AJAP1: variants seen among roughly 807,000 people sequenced by gnomAD.
AJAP1 encodes the protein adherens junction-associated protein 1.
AJAP1 carries 5 observed loss-of-function variants against 35.0 expected under a neutral mutation model. The observed-to-expected ratio is 0.14, with a 90% CI of 0.07 to 0.30. The LOEUF is 0.30. Ranked by LOEUF, AJAP1 falls within the 10% of genes least tolerant of loss-of-function variation. The pLI, the probability that AJAP1 is intolerant of heterozygous loss-of-function variation, is 1.00. For missense variants in AJAP1, 586 were observed against 571.0 expected (o/e 1.03, Z -0.27); for synonymous variants, 284 against 249.3 (o/e 1.14, Z -1.31).
intron 1 of AJAP1, among the ~76,000 whole-genome samples, chr1:4,667,529 T>A (rs1233019057): frequency 1.3e-5 from 2 of 152,180 alleles, no homozygotes; most frequent in African/African-American, 4.8e-5. Context: ...TAGATTCTCA[T>A]AAGGAGTGCA....
chr1:4,694,217 G>A (rs1469259901), intron 1 of AJAP1, among the ~76,000 whole-genome samples: 1 of 150,168 alleles, frequency 6.7e-6, no homozygotes, highest in Non-Finnish European at 1.5e-5. Flanking sequence ...CTCCTTTGCC[G>A]GGGGGGGATG....
intron 2 of AJAP1, among the ~76,000 whole-genome samples, chr1:4,762,528 G>A (rs769578419): frequency 2.6e-5 from 4 of 152,228 alleles, no homozygotes; most frequent in Non-Finnish European, 4.4e-5. Context: ...TATTTCATGC[G>A]TATTGTCACA....
chr1:4,669,034 AT>A (rs1639196267), intron 1 of AJAP1, among the ~76,000 whole-genome samples: 1 of 152,136 alleles, frequency 6.6e-6, no homozygotes, highest in African/African-American at 2.4e-5. Context: ...CTCAGCCAAC[AT>A]TTTTTTAGCT....
intron 1 of AJAP1, among the ~76,000 whole-genome samples, chr1:4,699,675 C>T (rs72638816): frequency 0.058 from 8,765 of 152,238 alleles, 350 homozygotes; most frequent in Middle Eastern, 0.089. Context: ...TTTGGAGGGA[C>T]ACATCCTTCC....
chr1:4,725,939 A>G (rs370485859), intron 2 of AJAP1, among the ~76,000 whole-genome samples: 3 of 152,340 alleles, frequency 2.0e-5, no homozygotes, highest in African/African-American at 7.2e-5. Context: ...CTCCAAATAC[A>G]GTCACATTAG....
At chr1:4,660,410 A>G (rs1638976480) in intron 1 of AJAP1, among the ~76,000 whole-genome samples, 1 of 151,980 alleles carries the variant, frequency 6.6e-6, no homozygotes, top group African/African-American at 2.4e-5. Flanking sequence ...TCTTGACTAT[A>G]TCCGTGTCAC....
chr1:4,772,218 A>C (rs1318154283), intron 3 of AJAP1, 62 bp from the exon 4 acceptor site: 6 of 1,599,576 alleles, frequency 3.8e-6, no homozygotes, highest in Non-Finnish European at 5.1e-6. Flanking sequence ...GGAAGTCTGG[A>C]GTTGTGTTTG....
In AJAP1 at chr1:4,782,780, A is replaced by C. The variant is rs1026122085; in HGVS notation, c.*295A>C. 7.5e-6 allele frequency: 3 copies of C among 398,548 alleles called. No homozygotes were observed. The highest frequency in any genetic ancestry group is 6.2e-5 in the African/African-American group (3 of 48,628). 24.7% of individuals were successfully genotyped at this position (398,548 alleles called of 1,614,324 possible). A position where few individuals can be genotyped will look rare whatever the true frequency, so the allele number is the denominator to read the frequency against. On this transcript the variant is annotated 3_prime_UTR_variant, in exon 6 of 6. Coordinates refer to ENST00000378191, the MANE Select transcript of AJAP1 (RefSeq NM_018836.4). This position sits in a 1 kb window ranked among gnomAD's most constrained non-coding sequence, Gnocchi z 5.3. ...GGAGAACAGAAAGAAGAAAGGAAAG[A>C]AAGGAACCAGAGGCAGAGAGACGAG...
chr1:4,719,561 G>T (rs929926091), intron 2 of AJAP1, among the ~76,000 whole-genome samples: 2 of 152,142 alleles, frequency 1.3e-5, no homozygotes, highest in Admixed American at 6.5e-5. Context: ...GGGGCGTGTG[G>T]TGGGGCTGAG....
intron 2 of AJAP1, among the ~76,000 whole-genome samples, chr1:4,751,319 G>T (rs539148099): frequency 5.3e-5 from 8 of 152,156 alleles, no homozygotes; most frequent in Admixed American, 2.6e-4. Flanking sequence ...TTCGAATTCC[G>T]CTCAGTTCCA....
chr1:4,662,675 G>A (rs780385883), intron 1 of AJAP1, among the ~76,000 whole-genome samples: 6 of 152,194 alleles, frequency 3.9e-5, no homozygotes, highest in South Asian at 4.1e-4. Flanking sequence ...AAAATGTGCC[G>A]GGCTAGGCGC....
At position 4,712,382 on chromosome 1, in the gene AJAP1, G is replaced by A. The variant is rs1412648748; in HGVS notation, c.512G>A (p.Gly171Asp). The change falls in exon 2 of 6, where the codon GGC becomes GAC. Residue 171 changes from glycine (G) to aspartate (D), a missense_variant. Physicochemically the swap from Gly to Asp is moderately conservative, Grantham distance 94. Transcript: ENST00000378191. ...GDGLSSFDSRGSRPTTETEFI... is the reference protein window; with the variant it reads ...GDGLSSFDSRDSRPTTETEFI... ...GGTCTCAGCAGCTTCGACTCCAGAG[G>A]CAGCCGGCCCACCACAGAGACTGAG... is the stretch of plus-strand genomic sequence containing the variant. 6 of 1,550,096 alleles carry A rather than the reference G, an allele frequency of 3.9e-6. No individual in the cohort carries two copies. Among genetic ancestry groups the A allele is most frequent in the Admixed American group, 1.9e-5 (1 of 52,766 alleles).
chr1:4,709,175 A>T (rs1640165211), intron 1 of AJAP1, among the ~76,000 whole-genome samples: 1 of 126,286 alleles, frequency 7.9e-6, no homozygotes, highest in African/African-American at 3.0e-5. Flanking sequence ...GATGGCAGGC[A>T]GGTTTGCTTG....
In AJAP1 at chr1:4,723,031, A is replaced by G. The variant is rs574493166; in HGVS notation, c.829+10332A>G. ...GCTCTCTGAGGGCATTCTAGGGGGA[A>G]GACAGGAGGCAATGATACCAGATGG... On this transcript the variant is annotated intron_variant, in intron 2 of 5. Transcript: ENST00000378191. The surrounding 1 kb of genome is among the most constrained non-coding windows in gnomAD (Gnocchi z 4.3). Among the ~76,000 whole-genome samples, 37 of 152,278 alleles carry G rather than the reference A, an allele frequency of 2.4e-4. No individual in the cohort carries two copies. The highest frequency in any genetic ancestry group is 7.2e-4 in the African/African-American group (30 of 41,548).
intron 3 of AJAP1, 41 bp downstream of exon 3, chr1:4,769,981 T>C: frequency 1.3e-6 from 2 of 1,529,086 alleles, no homozygotes; most frequent in Non-Finnish European, 1.8e-6. Flanking sequence ...AATGGGGGAC[T>C]ACCGGGGTCC....
chr1:4,728,441 G>A (rs563594958), intron 2 of AJAP1, among the ~76,000 whole-genome samples: 6 of 152,166 alleles, frequency 3.9e-5, no homozygotes, highest in Admixed American at 1.3e-4. Context: ...ATGCACCTGC[G>A]TGTTCCCACC....
At chr1:4,700,146 C>T (rs1639953185) in intron 1 of AJAP1, among the ~76,000 whole-genome samples, 1 of 152,286 alleles carries the variant, frequency 6.6e-6, no homozygotes, top group African/African-American at 2.4e-5. Context: ...CAGCTGTGTG[C>T]TCCTGATACA....
intron 1 of AJAP1, among the ~76,000 whole-genome samples, chr1:4,704,161 T>TTG (rs1640050155): frequency 6.6e-6 from 1 of 151,800 alleles, no homozygotes; most frequent in African/African-American, 2.4e-5. Flanking sequence ...GGGGAAGTTT[T>TTG]TTTTTTTTTT....
rs564964994 is a variant in AJAP1 at position 4,726,642 on chromosome 1, T to C, written c.829+13943T>C. Among the ~76,000 whole-genome samples the C allele has an allele frequency of 3.9e-5, 6 of 152,110 alleles. No individual in the cohort carries two copies. The East Asian group carries it at 5.8e-4, about 15-fold the overall frequency. ...GTGAGGGTGGGAGTCACCTGGGGAA[T>C]TGGTTTTAAATGCACATTTCTGGTC... On this transcript the variant is annotated intron_variant, in intron 2 of 5. Coordinates refer to ENST00000378191, the MANE Select transcript of AJAP1 (RefSeq NM_018836.4).
Sources: allele counts gnomAD v4.1 joint callset (sites outside exome capture counted in the v4.1 genomes callset), GRCh38; gene constraint gnomAD v4.1.1; non-coding constraint Gnocchi (gnomAD v3.1); transcripts MANE v1.5; gene names NCBI Gene and HGNC (gene_info 2026-07-23, HGNC 2026-07-21).